The following SHISA9 variants were observed in gnomAD, a reference collection of about 807,000 sequenced individuals.
SHISA9 encodes the protein shisa family member 9, also known as protein shisa-9.
A neutral mutation model predicts 38.0 loss-of-function variants in SHISA9; 13 were observed. That is an observed-to-expected ratio of 0.34 (90% CI 0.22 to 0.54). SHISA9 has a LOEUF of 0.54. SHISA9 is among the 20% of genes least tolerant of loss of function. The pLI, the probability that SHISA9 is intolerant of heterozygous loss-of-function variation, is 0.91. For missense variants in SHISA9, 538 were observed against 575.8 expected (o/e 0.93, Z 0.67); for synonymous variants, 275 against 242.0 (o/e 1.14, Z -1.27).
At chr16:13,283,827 G>A in the SHISA9 span, among the ~76,000 whole-genome samples, 1 of 152,064 alleles carries the variant, frequency 6.6e-6, no homozygotes, top group Non-Finnish European at 1.5e-5. Flanking sequence ...TCTAGGACCA[G>A]AACCCCAACA....
At chr16:13,213,584 T>C (rs984926752) in intron 4 of SHISA9, among the ~76,000 whole-genome samples, 2 of 152,008 alleles carry the variant, frequency 1.3e-5, no homozygotes, top group African/African-American at 4.8e-5. Flanking sequence ...TAAGGTGAAA[T>C]ATGTTGATTT....
the SHISA9 span, among the ~76,000 whole-genome samples, chr16:13,446,534 C>T: frequency 6.6e-6 from 1 of 151,900 alleles, no homozygotes. Flanking sequence ...TGCAGTGAGA[C>T]CAATAAGATG....
chr16:13,254,788 C>T, the SHISA9 span, among the ~76,000 whole-genome samples: 2 of 152,196 alleles, frequency 1.3e-5, no homozygotes, highest in African/African-American at 4.8e-5. Flanking sequence ...AAGCACTGGA[C>T]TTCAACAAAT....
the SHISA9 span, among the ~76,000 whole-genome samples, chr16:13,288,108 G>A: frequency 6.6e-6 from 1 of 152,034 alleles, no homozygotes; most frequent in Non-Finnish European, 1.5e-5. Flanking sequence ...GGGTGGCCAA[G>A]GTGATAATGA....
In SHISA9 at chr16:13,039,594, T is replaced by C. The variant is rs377710449; in HGVS notation, c.691+122779T>C. On this transcript the variant is annotated intron_variant, in intron 2 of 4. Transcript: ENST00000558583. Reference sequence around the variant, plus strand: ...GAGTATAATATAAGCCCTTATTACATTACCCTCTGGAAGATGAATTGGAGC... The same window carrying C: ...GAGTATAATATAAGCCCTTATTACACTACCCTCTGGAAGATGAATTGGAGC... Among the ~76,000 whole-genome samples, 280 of 151,160 alleles carry C rather than the reference T, an allele frequency of 1.9e-3. 2 individuals are homozygous for C. The highest frequency in any genetic ancestry group is 6.4e-3 in the African/African-American group (265 of 41,248).
At chr16:13,386,694 T>A in the SHISA9 span, among the ~76,000 whole-genome samples, 8 of 152,230 alleles carry the variant, frequency 5.3e-5, no homozygotes, top group Non-Finnish European at 1.0e-4. Flanking sequence ...ATGTTATGCT[T>A]CTATATCAGT....
At chr16:13,537,657 G>A in the SHISA9 span, among the ~76,000 whole-genome samples, 18 of 152,232 alleles carry the variant, frequency 1.2e-4, no homozygotes, top group South Asian at 6.2e-4. Flanking sequence ...AATTTTTGGC[G>A]GCCGTGGGAC....
intron 2 of SHISA9, among the ~76,000 whole-genome samples, chr16:13,004,025 A>G (rs572970298): frequency 3.3e-5 from 5 of 152,100 alleles, no homozygotes; most frequent in Non-Finnish European, 5.9e-5. Flanking sequence ...GGGTGAACCA[A>G]TGTGTTGGGT....
At chr16:13,270,107 C>T in the SHISA9 span, among the ~76,000 whole-genome samples, 1 of 152,176 alleles carries the variant, frequency 6.6e-6, no homozygotes, top group Non-Finnish European at 1.5e-5. Flanking sequence ...TGGAGCAATG[C>T]CCTGCCTTGC....
chr16:13,412,906 C>T, the SHISA9 span, among the ~76,000 whole-genome samples: 2 of 151,692 alleles, frequency 1.3e-5, no homozygotes, highest in Non-Finnish European at 2.9e-5. Flanking sequence ...AGGAGAAAGA[C>T]AATTAAATAA....
At chr16:13,148,095 A>G (rs994956870) in intron 2 of SHISA9, among the ~76,000 whole-genome samples, 1 of 152,060 alleles carries the variant, frequency 6.6e-6, no homozygotes, top group Non-Finnish European at 1.5e-5. Flanking sequence ...TCCTGGTGTC[A>G]CTGTTCACGG....
chr16:13,004,854 T>A (rs1298951174), intron 2 of SHISA9, among the ~76,000 whole-genome samples: 1 of 147,844 alleles, frequency 6.8e-6, no homozygotes, highest in Non-Finnish European at 1.5e-5. Flanking sequence ...ATCGCTTGAA[T>A]GCGGGAGGCA....
chr16:12,916,666 T>C (rs2071262183), intron 1 of SHISA9, 22 bp from the exon 2 acceptor site: 1 of 1,546,074 alleles, frequency 6.5e-7, no homozygotes, highest in Non-Finnish European at 8.7e-7. Context: ...AATGAACAGA[T>C]TTAAATTCTT....
At chr16:13,533,629 C>A in the SHISA9 span, among the ~76,000 whole-genome samples, 1 of 151,872 alleles carries the variant, frequency 6.6e-6, no homozygotes, top group African/African-American at 2.4e-5. Context: ...ATTGGCTGGA[C>A]TGTCTATCTA....
chr16:13,045,727 T>G (rs896535868), intron 2 of SHISA9, among the ~76,000 whole-genome samples: 5 of 146,316 alleles, frequency 3.4e-5, no homozygotes, highest in East Asian at 2.0e-4. Flanking sequence ...GAAAAGAAAG[T>G]GACTGGGGAG....
the SHISA9 span, among the ~76,000 whole-genome samples, chr16:13,519,867 G>A: frequency 4.6e-5 from 7 of 152,046 alleles, no homozygotes; most frequent in African/African-American, 7.2e-5. Context: ...ACCTCCTACC[G>A]GGTCCCCATC....
intron 2 of SHISA9, among the ~76,000 whole-genome samples, chr16:13,156,579 A>T (rs2050549192): frequency 6.6e-6 from 1 of 151,930 alleles, no homozygotes; most frequent in African/African-American, 2.4e-5. Context: ...CTAACAATAC[A>T]AAAAATTAGG....
the SHISA9 span, among the ~76,000 whole-genome samples, chr16:13,328,444 C>A: frequency 7.0e-6 from 1 of 143,502 alleles, no homozygotes; most frequent in Non-Finnish European, 1.5e-5. Flanking sequence ...AGGAATTTTA[C>A]TCTTGTCACC....
At chr16:13,063,183 T>C (rs2073396202) in intron 2 of SHISA9, among the ~76,000 whole-genome samples, 1 of 152,044 alleles carries the variant, frequency 6.6e-6, no homozygotes, top group African/African-American at 2.4e-5. Flanking sequence ...CATTTTTGTA[T>C]TTTTAGTTGA....
Sources: gnomAD v4.1 joint callset for allele counts (sites outside exome capture counted in the v4.1 genomes callset) on GRCh38, gnomAD v4.1.1 for gene constraint, MANE v1.5 for transcripts, NCBI Gene and HGNC (gene_info 2026-07-23, HGNC 2026-07-21) for gene names.